The following RSRC1 variants were observed in gnomAD, a reference collection of about 807,000 sequenced individuals.
The protein encoded by RSRC1 is serine/Arginine-related protein 53.
A neutral mutation model predicts 49.1 loss-of-function variants in RSRC1; 39 were observed. The ratio of observed to expected loss-of-function variants is 0.79; its 90% CI spans 0.61 to 1.04. The LOEUF (loss-of-function observed/expected upper bound fraction) is 1.04, where lower values mean the gene tolerates loss of function less well. RSRC1 is among the 50% of genes least tolerant of loss of function. RSRC1 has a pLI of 0.00. For missense variants in RSRC1, 388 were observed against 402.4 expected (o/e 0.96, Z 0.31); for synonymous variants, 143 against 130.8 (o/e 1.09, Z -0.63).
chr3:158,188,876 C>T (rs1465453688), intron 3 of RSRC1, among the ~76,000 whole-genome samples: 2 of 151,648 alleles, frequency 1.3e-5, no homozygotes, highest in Non-Finnish European at 2.9e-5. Flanking sequence ...GTTTACTCTT[C>T]TGCTCTTTTT....
At chr3:158,278,307 A>G (rs1337444134) in intron 4 of RSRC1, among the ~76,000 whole-genome samples, 3 of 152,166 alleles carry the variant, frequency 2.0e-5, no homozygotes, top group Non-Finnish European at 4.4e-5. Flanking sequence ...ATTTTCGTAG[A>G]CTTACATTTT....
At chr3:158,361,698 A>T (rs1731484428) in intron 6 of RSRC1, among the ~76,000 whole-genome samples, 1 of 152,158 alleles carries the variant, frequency 6.6e-6, no homozygotes, top group African/African-American at 2.4e-5. Flanking sequence ...GACTTTTCTA[A>T]CTTTATCTTC....
At chr3:158,402,688 G>A (rs1008342550) in intron 6 of RSRC1, among the ~76,000 whole-genome samples, 1 of 151,668 alleles carries the variant, frequency 6.6e-6, no homozygotes, top group Non-Finnish European at 1.5e-5. Context: ...ATTAATATAA[G>A]CTATTTTGTA....
In RSRC1 at chr3:158,203,245, G is replaced by A. The variant is rs768329071; in HGVS notation, c.494G>A (p.Gly165Glu). Residue 165 changes from glycine to glutamate, a missense_variant and splice_region_variant, in exon 4 of 10, where the codon GGG becomes GAG. Gly to Glu is a moderately conservative substitution (Grantham distance 98). Transcript: ENST00000611884. The stretch of plus-strand genomic sequence containing the variant: ...AAGGAATTACATAACATCAAACGTG[G>A]GTAAGTTGGAGCAAATCTTATCTGG... ...KDKELHNIKR[G>E]ESGNIKAGLE... 10 of 1,574,344 alleles carry A rather than the reference G, an allele frequency of 6.4e-6. No homozygotes were observed. Among genetic ancestry groups the A allele is most frequent in the East Asian group, 4.6e-5 (2 of 43,258 alleles).
At chr3:158,301,658 A>T (rs996215044) in intron 5 of RSRC1, among the ~76,000 whole-genome samples, 35 of 152,188 alleles carry the variant, frequency 2.3e-4, no homozygotes, top group African/African-American at 8.2e-4. Flanking sequence ...GAGTAAAACA[A>T]CCCTATTAAA....
intron 5 of RSRC1, among the ~76,000 whole-genome samples, chr3:158,298,577 T>A (rs1432931395): frequency 6.6e-6 from 1 of 152,110 alleles, no homozygotes; most frequent in African/African-American, 2.4e-5. Context: ...AGATGCAAAA[T>A]TTTTGGTTTA....
chr3:158,383,595 G>C (rs79548367), intron 6 of RSRC1, among the ~76,000 whole-genome samples: 2,423 of 152,234 alleles, frequency 0.016, 85 homozygotes, highest in African/African-American at 0.056. Flanking sequence ...ATAACTCTGT[G>C]TATCTTTAAC....
chr3:158,138,452 G>A (rs1716540324), intron 3 of RSRC1, among the ~76,000 whole-genome samples: 1 of 152,186 alleles, frequency 6.6e-6, no homozygotes, highest in South Asian at 2.1e-4. Flanking sequence ...GAAAGATTGA[G>A]AGAATTCTAT....
chr3:158,181,608 A>G (rs1182399178), intron 3 of RSRC1, among the ~76,000 whole-genome samples: 2 of 152,174 alleles, frequency 1.3e-5, no homozygotes, highest in Non-Finnish European at 2.9e-5. Flanking sequence ...GAGAAATACA[A>G]AGCAATGTAA....
At chr3:158,112,758 C>T (rs1373409360) in intron 1 of RSRC1, among the ~76,000 whole-genome samples, 1 of 151,970 alleles carries the variant, frequency 6.6e-6, no homozygotes, top group Admixed American at 6.6e-5. Context: ...AATATTAAGC[C>T]CAGCATGCGT....
intron 4 of RSRC1, among the ~76,000 whole-genome samples, chr3:158,222,820 G>C (rs1236413550): frequency 6.6e-6 from 1 of 151,486 alleles, no homozygotes; most frequent in Non-Finnish European, 1.5e-5. Flanking sequence ...TTCTAACTGT[G>C]CTCTGTTCAA....
At chr3:158,513,053 G>A (rs1244505171) in intron 7 of RSRC1, among the ~76,000 whole-genome samples, 22 of 123,054 alleles carry the variant, frequency 1.8e-4, no homozygotes, top group East Asian at 6.5e-4. Context: ...CAATCATGTC[G>A]TCTGCAAACA....
At position 158,181,093 on chromosome 3, in the gene RSRC1, C is replaced by T. The variant is rs181590860; in HGVS notation, c.321-21979C>T. 5.0e-3 allele frequency among the ~76,000 whole-genome samples: 763 copies of T among 152,204 alleles called. 5 individuals carry two copies. Among genetic ancestry groups the T allele is most frequent in the Non-Finnish European group, 7.3e-3 (499 of 68,010 alleles). ...TGCTGGGATTACAGGCGTGAGCCAC[C>T]GCCCCTGGCCCTATGTACGTTTTTA... On this transcript the variant is annotated intron_variant, in intron 3 of 9. Transcript: ENST00000611884.
chr3:158,224,212 A>T (rs2108300984), intron 4 of RSRC1, among the ~76,000 whole-genome samples: 1 of 152,008 alleles, frequency 6.6e-6, no homozygotes, highest in South Asian at 2.1e-4. Context: ...CATCACCTTT[A>T]TCTGTAACTT....
chr3:158,328,522 G>T (rs978863872), intron 5 of RSRC1, among the ~76,000 whole-genome samples: 1 of 152,100 alleles, frequency 6.6e-6, no homozygotes, highest in Non-Finnish European at 1.5e-5. Flanking sequence ...TGAAATCCTG[G>T]GTTGAAAATT....
chr3:158,193,056 T>G (rs1720337507), intron 3 of RSRC1, among the ~76,000 whole-genome samples: 1 of 152,098 alleles, frequency 6.6e-6, no homozygotes, highest in Admixed American at 6.6e-5. Flanking sequence ...TCTTTCCTAG[T>G]GCCTGCTTCC....
Position 158,137,693 on chromosome 3 carries a change from G to A in RSRC1, c.320+13702G>A, listed in dbSNP as rs576388391. ...TTTGAGATGGAGTCTTGCACCTGTC[G>A]CCCAGGCTGGAGTGCAGTGGCACCA... On this transcript the variant is annotated intron_variant, in intron 3 of 9. Transcript: ENST00000611884. Among the ~76,000 whole-genome samples the A allele has an allele frequency of 1.1e-4, 16 of 141,390 alleles. No homozygotes were observed. In the South Asian group the frequency reaches 3.1e-3, roughly 27 times the overall value. 92.8% of individuals were successfully genotyped at this position (141,390 alleles called of 152,430 possible).
At chr3:158,319,867 A>C (rs1394604126) in intron 5 of RSRC1, among the ~76,000 whole-genome samples, 1 of 152,208 alleles carries the variant, frequency 6.6e-6, no homozygotes, top group Non-Finnish European at 1.5e-5. Flanking sequence ...GAATTACCTG[A>C]TCAGACAACC....
At chr3:158,482,610 T>G (rs940797814) in intron 7 of RSRC1, among the ~76,000 whole-genome samples, 8 of 152,004 alleles carry the variant, frequency 5.3e-5, no homozygotes, top group African/African-American at 1.9e-4. Context: ...CTCACTGCTC[T>G]TTAGTGAGAT....
Sources: allele counts gnomAD v4.1 joint callset (sites outside exome capture counted in the v4.1 genomes callset), GRCh38; gene constraint gnomAD v4.1.1; transcripts MANE v1.5; gene names NCBI Gene and HGNC (gene_info 2026-07-23, HGNC 2026-07-21).